DLGAP4: variants seen among roughly 807,000 people sequenced by gnomAD.
DLGAP4 encodes disks large-associated protein 4.
DLGAP4 carries 18 observed loss-of-function variants against 86.9 expected under a neutral mutation model. That is an observed-to-expected ratio of 0.21 (90% CI 0.14 to 0.31). The LOEUF is 0.31. DLGAP4 is among the 10% of genes least tolerant of loss of function. The pLI, the probability that DLGAP4 is intolerant of heterozygous loss-of-function variation, is 1.00. For synonymous variants in DLGAP4, 548 were observed against 574.3 expected (o/e 0.95, Z 0.65); for missense variants, 1,085 against 1,362.6 (o/e 0.80, Z 3.21).
At chr20:36,453,934 C>CAAAAAA (rs1194294335) in intron 7 of DLGAP4, among the ~76,000 whole-genome samples, 2 of 42,676 alleles carry the variant, frequency 4.7e-5, no homozygotes, top group African/African-American at 1.7e-4. Flanking sequence ...ACTCTGTCTC[C>CAAAAAA]AAAAAAAAAA....
chr20:36,408,754 T>C (rs986985960), intron 2 of DLGAP4, among the ~76,000 whole-genome samples: 1 of 152,216 alleles, frequency 6.6e-6, no homozygotes, highest in Non-Finnish European at 1.5e-5. Context: ...AAAATAAAGT[T>C]TTGCAATAGA....
intron 1 of DLGAP4, among the ~76,000 whole-genome samples, chr20:36,327,275 C>T (rs1407534560): frequency 9.9e-5 from 15 of 152,120 alleles, no homozygotes; most frequent in African/African-American, 3.4e-4. Flanking sequence ...GCTGGGATTA[C>T]AGGCATGAGC....
intron 2 of DLGAP4, among the ~76,000 whole-genome samples, chr20:36,422,140 C>A (rs2032847252): frequency 6.6e-6 from 1 of 152,132 alleles, no homozygotes; most frequent in African/African-American, 2.4e-5. Flanking sequence ...CAGCAAGGCC[C>A]TGGAGGCCCC....
Position 36,497,321 on chromosome 20 carries a change from G to C in DLGAP4, c.2010+255G>C. 3.0e-6 allele frequency: 4 copies of C among 1,352,642 alleles called. No individual in the cohort carries two copies. The South Asian group carries it at 6.8e-5, about 23-fold the overall frequency. 83.8% of individuals were successfully genotyped at this position (1,352,642 alleles called of 1,614,324 possible). On this transcript the variant is annotated intron_variant, in intron 8 of 12. Coordinates refer to ENST00000339266, the MANE Select transcript of DLGAP4 (RefSeq NM_001365621.2). ...CCAGTGGGTTGTCCCAGTGAATGTA[G>C]TTACACTCAGCCAGCCATCTCCTGT...
intron 1 of DLGAP4, among the ~76,000 whole-genome samples, chr20:36,358,685 G>A (rs1051826887): frequency 2.0e-5 from 3 of 152,140 alleles, no homozygotes; most frequent in Non-Finnish European, 4.4e-5. Context: ...GTGGACGCCT[G>A]TAGTCCCAGC....
chr20:36,458,027 C>T (rs906700527), intron 7 of DLGAP4, among the ~76,000 whole-genome samples: 1 of 151,872 alleles, frequency 6.6e-6, no homozygotes, highest in Non-Finnish European at 1.5e-5. Flanking sequence ...GCAGGAGGTG[C>T]CTGACAGGCT....
chr20:36,417,771 TG>T (rs5841229), intron 2 of DLGAP4, among the ~76,000 whole-genome samples: 86,887 of 150,656 alleles, frequency 0.58, 25,151 homozygotes, highest in Middle Eastern at 0.64. Context: ...TGGGTTTTTT[TG>T]GTTTTTTTTT....
In DLGAP4 at chr20:36,306,882, G is replaced by A. The variant is rs901407288; in HGVS notation, c.-304+370G>A. 3.3e-5 allele frequency among the ~76,000 whole-genome samples: 5 copies of A among 152,158 alleles called. No individual in the cohort carries two copies. The highest frequency in any genetic ancestry group is 7.2e-5 in the African/African-American group (3 of 41,464). ...ATCAAGCGGCTGCCAAAGCCTGGAA[G>A]CCCCCTCCTCAGGCCCGCCCCCTAA... is the stretch of plus-strand genomic sequence containing the variant. On this transcript the variant is annotated intron_variant, in intron 1 of 12. Transcript: ENST00000339266. The surrounding 1 kb of genome is among the most constrained non-coding windows in gnomAD (Gnocchi z 4.9).
At chr20:36,379,074 G>T (rs1422773232) in intron 2 of DLGAP4, among the ~76,000 whole-genome samples, 1 of 152,194 alleles carries the variant, frequency 6.6e-6, no homozygotes, top group African/African-American at 2.4e-5. Context: ...CAGGTGCCAA[G>T]AGAGAGGGGG....
chr20:36,449,743 C>T (rs1250587680), intron 7 of DLGAP4, among the ~76,000 whole-genome samples: 2 of 152,238 alleles, frequency 1.3e-5, no homozygotes, highest in African/African-American at 2.4e-5. Flanking sequence ...ACCCCAGTCA[C>T]TCATGAATGG....
chr20:36,379,450 C>A (rs2031290962), intron 2 of DLGAP4, among the ~76,000 whole-genome samples: 1 of 152,184 alleles, frequency 6.6e-6, no homozygotes, highest in Non-Finnish European at 1.5e-5. Context: ...GAGCAGAGAG[C>A]ATCTCACAGG....
Position 36,496,880 on chromosome 20 carries a change from G to A in DLGAP4, c.1824G>A (p.Ser608=), listed in dbSNP as rs376032299. Residue 608 remains serine, a synonymous_variant, in exon 8 of 13, where the codon TCG becomes TCA. Transcript: ENST00000339266. ...EVTSQSGLSN[S]SDSLDSSTRP... ...CTAGCCAGTCGGGCCTGAGCAACTC[G>A]TCGGACAGCCTGGACAGCAGTACCC... 35 of 1,614,094 alleles carry A rather than the reference G, an allele frequency of 2.2e-5. No individual in the cohort carries two copies. Among genetic ancestry groups the A allele is most frequent in the Middle Eastern group, 1.6e-4 (1 of 6,084 alleles).
At chr20:36,367,794 G>T (rs1419056398) in intron 2 of DLGAP4, among the ~76,000 whole-genome samples, 4 of 152,162 alleles carry the variant, frequency 2.6e-5, no homozygotes, top group Admixed American at 2.0e-4. Flanking sequence ...AGGATGAGGT[G>T]CTGGGCCTGC....
At chr20:36,326,070 G>A (rs374571998) in intron 1 of DLGAP4, among the ~76,000 whole-genome samples, 4 of 152,118 alleles carry the variant, frequency 2.6e-5, no homozygotes, top group South Asian at 2.1e-4. Flanking sequence ...TAAAATTGGT[G>A]TTAACATGGT....
intron 11 of DLGAP4, 29 bp from the exon 12 acceptor site, chr20:36,525,822 G>A (rs779232810): frequency 6.2e-7 from 1 of 1,610,092 alleles, no homozygotes; most frequent in South Asian, 1.1e-5. Context: ...CTGCTGAGCT[G>A]GCCCCACTGA....
chr20:36,386,477 G>A (rs1208149003), intron 2 of DLGAP4, among the ~76,000 whole-genome samples: 1 of 151,772 alleles, frequency 6.6e-6, no homozygotes, highest in Non-Finnish European at 1.5e-5. Context: ...GAAGAAAAGA[G>A]GGATGGGGGA....
intron 7 of DLGAP4, among the ~76,000 whole-genome samples, chr20:36,487,984 G>A (rs975346338): frequency 2.0e-5 from 3 of 151,840 alleles, no homozygotes; most frequent in Admixed American, 6.6e-5. Context: ...GGTGGATCAC[G>A]AGGTTGGGAG....
intron 1 of DLGAP4, among the ~76,000 whole-genome samples, chr20:36,315,367 C>T (rs1236900055): frequency 1.3e-5 from 2 of 151,802 alleles, no homozygotes; most frequent in East Asian, 1.9e-4. Flanking sequence ...GGGGACAGCA[C>T]GGAGAGCCAT....
At position 36,437,430 on chromosome 20, in the gene DLGAP4, G is replaced by C. The variant is rs1325139188; in HGVS notation, c.1241+1080G>C. 3.3e-5 allele frequency among the ~76,000 whole-genome samples: 5 copies of C among 152,214 alleles called. No homozygotes were observed. In the East Asian group the frequency reaches 9.6e-4, roughly 29 times the overall value. On this transcript the variant is annotated intron_variant, in intron 4 of 12. Transcript: ENST00000339266. ...TCTTCAGGTTAGGAGAACCTGCCCT[G>C]AGTGAGTGCATCACCTGTAACAGCA... is the stretch of plus-strand genomic sequence containing the variant.
Sources: allele counts gnomAD v4.1 joint callset (sites outside exome capture counted in the v4.1 genomes callset), GRCh38; gene constraint gnomAD v4.1.1; non-coding constraint Gnocchi (gnomAD v3.1); transcripts MANE v1.5; gene names NCBI Gene and HGNC (gene_info 2026-07-23, HGNC 2026-07-21).